The following DCC variants were observed in gnomAD, a reference collection of about 807,000 sequenced individuals.
DCC encodes the protein netrin receptor DCC.
Under a neutral mutation model 172.5 loss-of-function variants are expected in DCC, and 58 were observed. The ratio of observed to expected loss-of-function variants is 0.34; its 90% CI spans 0.27 to 0.42. DCC has a LOEUF of 0.42. Among genes scored for constraint, DCC ranks in the 10% least tolerant of loss-of-function variants. The probability of loss-of-function intolerance (pLI) is 1.00; values close to 1 mark genes in which losing one functional copy is unlikely to be tolerated. For missense variants in DCC, 1,740 were observed against 1,791.0 expected, an observed-to-expected ratio of 0.97 and a Z score of 0.51; for synonymous variants, 709 against 644.5, an observed-to-expected ratio of 1.10 and a Z score of -1.52.
intron 1 of DCC, among the ~76,000 whole-genome samples, chr18:52,707,276 C>T (rs2036226333): frequency 6.6e-6 from 1 of 152,078 alleles, no homozygotes; most frequent in Non-Finnish European, 1.5e-5. Context: ...CTAGATTTGA[C>T]CATTTCAAGG....
intron 1 of DCC, among the ~76,000 whole-genome samples, chr18:52,539,896 A>C (rs1036846334): frequency 1.3e-5 from 2 of 152,186 alleles, no homozygotes. Flanking sequence ...AAAATAAACA[A>C]CAACAACAAA....
intron 1 of DCC, among the ~76,000 whole-genome samples, chr18:52,647,201 C>T (rs748540016): frequency 6.6e-6 from 1 of 152,168 alleles, no homozygotes; most frequent in Non-Finnish European, 1.5e-5. Flanking sequence ...TAAGGCCAGA[C>T]ACTGTTTTCT....
At position 53,496,125 on chromosome 18, in the gene DCC, C is replaced by T. The variant is rs1348347316; in HGVS notation, c.3899-3173C>T. On this transcript the variant is annotated intron_variant, in intron 26 of 28. Transcript: ENST00000442544. The stretch of plus-strand genomic sequence containing the variant: ...GCTCTGATAAGGGACATACTGCCTC[C>T]TCAAGTGGGTCTCCATCCAGCCCAT... Among the ~76,000 whole-genome samples the T allele has an allele frequency of 3.9e-5, 6 of 152,292 alleles. No individual in the cohort carries two copies. The East Asian group carries it at 9.7e-4, about 25-fold the overall frequency.
chr18:52,645,234 G>A (rs745985935), intron 1 of DCC, among the ~76,000 whole-genome samples: 15 of 152,014 alleles, frequency 9.9e-5, no homozygotes, highest in East Asian at 3.9e-4. Context: ...GTAGTTCATC[G>A]CAGCTAGTAA....
intron 8 of DCC, 26 bp downstream of exon 8, chr18:53,157,538 A>T: frequency 6.2e-7 from 1 of 1,612,874 alleles, no homozygotes; most frequent in Non-Finnish European, 8.5e-7. Context: ...AATAAAATTC[A>T]GCTTAATCGG....
In DCC at chr18:52,562,476, A is replaced by C. The variant is rs1173165240; in HGVS notation, c.92-189578A>C. Among the ~76,000 whole-genome samples the C allele has an allele frequency of 2.6e-5, 4 of 152,290 alleles. No individual in the cohort carries two copies. In the East Asian group the frequency reaches 7.7e-4, roughly 29 times the overall value. On this transcript the variant is annotated intron_variant, in intron 1 of 28. Coordinates refer to ENST00000442544, the MANE Select transcript of DCC (RefSeq NM_005215.4). Reference sequence around the variant, plus strand: ...GTTCTTACTTTATTTAGCCACATAGAGTTTGTTTAATATTTAATTTAATGG... The same window carrying C: ...GTTCTTACTTTATTTAGCCACATAGCGTTTGTTTAATATTTAATTTAATGG...
intron 5 of DCC, among the ~76,000 whole-genome samples, chr18:53,041,103 T>G (rs1284899688): frequency 1.0e-5 from 1 of 95,794 alleles, no homozygotes; most frequent in Non-Finnish European, 2.1e-5. Flanking sequence ...TCATAAAGTC[T>G]TTGCCCGTGC....
intron 2 of DCC, among the ~76,000 whole-genome samples, chr18:52,858,402 T>C (rs2039086003): frequency 6.6e-6 from 1 of 150,478 alleles, no homozygotes; most frequent in East Asian, 1.9e-4. Flanking sequence ...AGTACTCAGT[T>C]AGGAGGAGAT....
intron 15 of DCC, among the ~76,000 whole-genome samples, chr18:53,346,410 T>G (rs1053666563): frequency 6.6e-6 from 1 of 152,184 alleles, no homozygotes; most frequent in African/African-American, 2.4e-5. Context: ...TATAATTATA[T>G]GTATTTTAGA....
Position 52,782,670 on chromosome 18 carries a change from C to T in DCC, c.412+30296C>T, listed in dbSNP as rs546622158. On this transcript the variant is annotated intron_variant, in intron 2 of 28. Coordinates refer to ENST00000442544, the MANE Select transcript of DCC (RefSeq NM_005215.4). Reference sequence around the variant, plus strand: ...CCTCCATGTGTATTCACTTGAGGACCTTTCATGCTTGTGACTGGCTGAACC... The same window carrying T: ...CCTCCATGTGTATTCACTTGAGGACTTTTCATGCTTGTGACTGGCTGAACC... 1.2e-4 allele frequency among the ~76,000 whole-genome samples: 19 copies of T among 152,132 alleles called. No individual in the cohort carries two copies. In the South Asian group the frequency reaches 2.5e-3, roughly 20 times the overall value.
chr18:52,768,528 G>A (rs1021216203), intron 2 of DCC, among the ~76,000 whole-genome samples: 1 of 151,966 alleles, frequency 6.6e-6, no homozygotes, highest in East Asian at 1.9e-4. Context: ...CTATCCAAGG[G>A]GTATATTTTA....
chr18:52,861,901 A>G (rs1407543869), intron 2 of DCC, among the ~76,000 whole-genome samples: 1 of 152,186 alleles, frequency 6.6e-6, no homozygotes, highest in African/African-American at 2.4e-5. Context: ...AGCTGATTGT[A>G]AATGGAATTT....
At chr18:53,282,428 G>A (rs559694017) in intron 12 of DCC, among the ~76,000 whole-genome samples, 1 of 152,198 alleles carries the variant, frequency 6.6e-6, no homozygotes, top group African/African-American at 2.4e-5. Flanking sequence ...GAGGCAAGAA[G>A]GCTTCTTGGA....
At chr18:53,046,270 C>T (rs1348820291) in intron 5 of DCC, among the ~76,000 whole-genome samples, 1 of 151,874 alleles carries the variant, frequency 6.6e-6, no homozygotes, top group African/African-American at 2.4e-5. Flanking sequence ...GCCTTTGAGT[C>T]ACTTTCTGTG....
At chr18:52,819,046 GAGAT>G (rs1479931275) in intron 2 of DCC, among the ~76,000 whole-genome samples, 1 of 152,160 alleles carries the variant, frequency 6.6e-6, no homozygotes, top group African/African-American at 2.4e-5. Context: ...GGTTACAAAA[GAGAT>G]AGGAGATATA....
chr18:52,665,505 G>A (rs1480905949), intron 1 of DCC, among the ~76,000 whole-genome samples: 1 of 152,204 alleles, frequency 6.6e-6, no homozygotes, highest in African/African-American at 2.4e-5. Context: ...TTGCTGGTGT[G>A]TGGAGCAGAT....
At chr18:52,659,885 A>G (rs2035324256) in intron 1 of DCC, among the ~76,000 whole-genome samples, 2 of 152,204 alleles carry the variant, frequency 1.3e-5, no homozygotes, top group South Asian at 4.1e-4. Context: ...TGAGGATTAT[A>G]ACATTCATAT....
chr18:53,486,976 CT>C lies in DCC; in HGVS notation c.3898+23del. ...AAGTCAGTGTAATGCATTTTCCTCT[CT>C]TTTTAATAAGCACAAATGAATAATA... On this transcript the variant is annotated intron_variant, in intron 26 of 28. Transcript: ENST00000442544. The C allele has an allele frequency of 6.2e-7, 1 of 1,613,932 alleles. No homozygotes were observed. Among genetic ancestry groups the C allele is most frequent in the South Asian group, 1.1e-5 (1 of 91,080 alleles).
intron 1 of DCC, among the ~76,000 whole-genome samples, chr18:52,484,234 T>C (rs1313252876): frequency 6.6e-6 from 1 of 152,160 alleles, no homozygotes; most frequent in African/African-American, 2.4e-5. Context: ...AAGACCATCC[T>C]ACTCAGTCTG....
Sources: gnomAD v4.1 joint callset for allele counts (sites outside exome capture counted in the v4.1 genomes callset) on GRCh38, gnomAD v4.1.1 for gene constraint, MANE v1.5 for transcripts, NCBI Gene and HGNC (gene_info 2026-07-23, HGNC 2026-07-21) for gene names.